GRIK3: variants seen among roughly 807,000 people sequenced by gnomAD.
The protein encoded by GRIK3 is glutamate receptor ionotropic, kainate 3.
A neutral mutation model predicts 102.5 loss-of-function variants in GRIK3; 29 were observed. The observed-to-expected ratio is 0.28, with a 90% confidence interval of 0.21 to 0.39. The LOEUF (loss-of-function observed/expected upper bound fraction) is 0.39, where lower values mean the gene tolerates loss of function less well. Among genes scored for constraint, GRIK3 ranks in the 10% least tolerant of loss-of-function variants. The pLI is 1.00. For missense variants in GRIK3, 908 were observed against 1,252.4 expected (o/e 0.73, Z 4.15); for synonymous variants, 511 against 504.9 (o/e 1.01, Z -0.16).
At chr1:36,942,160 C>T (rs182934360) in intron 1 of GRIK3, among the ~76,000 whole-genome samples, 8 of 152,296 alleles carry the variant, frequency 5.3e-5, no homozygotes, top group East Asian at 1.9e-4. Context: ...CACTGGAAGC[C>T]GAACTCCACG....
chr1:36,807,269 TG>T (rs2124179139), intron 13 of GRIK3, among the ~76,000 whole-genome samples: 1 of 151,946 alleles, frequency 6.6e-6, no homozygotes. Context: ...AAGGGCTGAG[TG>T]TCCCTTGCTG....
At chr1:36,874,534 A>G (rs980534921) in intron 3 of GRIK3, among the ~76,000 whole-genome samples, 4 of 152,278 alleles carry the variant, frequency 2.6e-5, no homozygotes, top group South Asian at 2.1e-4. Context: ...TGACCTTCAC[A>G]TAGAAGGGAG....
intron 2 of GRIK3, among the ~76,000 whole-genome samples, chr1:36,888,693 A>G (rs1641069926): frequency 6.6e-6 from 1 of 152,176 alleles, no homozygotes; most frequent in Non-Finnish European, 1.5e-5. Flanking sequence ...TCTCAAGTGC[A>G]TAAACTGGCT....
chr1:36,956,959 CTCCACCCGCA>C (rs1467959541), intron 1 of GRIK3, among the ~76,000 whole-genome samples: 1 of 152,260 alleles, frequency 6.6e-6, no homozygotes, highest in Non-Finnish European at 1.5e-5. Flanking sequence ...AGCACTCTGT[CTCCACCCGCA>C]TCACTCTGGG....
intron 1 of GRIK3, among the ~76,000 whole-genome samples, chr1:37,011,603 T>A (rs1344877945): frequency 6.6e-6 from 1 of 152,228 alleles, no homozygotes; most frequent in Non-Finnish European, 1.5e-5. Flanking sequence ...CACCTGCCTT[T>A]TATTAGCATG....
At chr1:36,903,058 G>C (rs1641248602) in intron 1 of GRIK3, among the ~76,000 whole-genome samples, 1 of 152,042 alleles carries the variant, frequency 6.6e-6, no homozygotes, top group Admixed American at 6.6e-5. Flanking sequence ...CCAAAGTGCT[G>C]GGATTACCGT....
At chr1:36,874,820 G>GTAA (rs991786524) in intron 3 of GRIK3, among the ~76,000 whole-genome samples, 32 of 152,206 alleles carry the variant, frequency 2.1e-4, no homozygotes, top group African/African-American at 7.5e-4. Flanking sequence ...ATCGCCCCAT[G>GTAA]TAATGCATGG....
chr1:36,853,807 A>G, intron 7 of GRIK3, 85 bp from the exon 8 acceptor site: 2 of 765,150 alleles, frequency 2.6e-6, no homozygotes, highest in East Asian at 2.5e-5. Flanking sequence ...CATTTTAATT[A>G]CTCCTTGCAC....
intron 8 of GRIK3, among the ~76,000 whole-genome samples, chr1:36,852,713 C>T (rs919628337): frequency 3.3e-5 from 5 of 152,162 alleles, no homozygotes; most frequent in African/African-American, 7.2e-5. Context: ...CAGAGGCATC[C>T]GAAGTGGCCC....
rs570283730 is a variant in GRIK3 at position 36,832,878 on chromosome 1, G to T, written c.1531-7052C>A. 5.3e-5 allele frequency among the ~76,000 whole-genome samples: 8 copies of T among 152,322 alleles called. No individual in the cohort carries two copies. In the East Asian group the frequency reaches 1.5e-3, roughly 29 times the overall value. On this transcript the variant is annotated intron_variant, in intron 10 of 15. Coordinates refer to ENST00000373091, the MANE Select transcript of GRIK3 (RefSeq NM_000831.4). ...ACAGGGCAGGGCCTGACCTAGCACA[G>T]CCCAACGGAGCGGAAGGCAGTGGGC...
intron 1 of GRIK3, among the ~76,000 whole-genome samples, chr1:36,908,013 C>G (rs2124291898): frequency 6.6e-6 from 1 of 152,248 alleles, no homozygotes; most frequent in Non-Finnish European, 1.5e-5. Flanking sequence ...ACTGGGCGGT[C>G]CCTTGCTTCA....
intron 1 of GRIK3, among the ~76,000 whole-genome samples, chr1:36,895,238 A>G (rs1187321085): frequency 6.6e-6 from 1 of 152,180 alleles, no homozygotes; most frequent in Non-Finnish European, 1.5e-5. Context: ...AGAAAAAATT[A>G]CAGGGCATAC....
intron 1 of GRIK3, among the ~76,000 whole-genome samples, chr1:36,957,164 T>C (rs1343961948): frequency 6.6e-6 from 1 of 152,232 alleles, no homozygotes; most frequent in Non-Finnish European, 1.5e-5. Context: ...CCTGTGCTCT[T>C]ATCAATAGAG....
intron 1 of GRIK3, among the ~76,000 whole-genome samples, chr1:36,949,253 C>T (rs1055592821): frequency 1.3e-5 from 2 of 151,366 alleles, no homozygotes; most frequent in South Asian, 4.2e-4. Flanking sequence ...TGACCTTAAA[C>T]TCTATTCTGA....
chr1:37,010,082 C>T (rs1019550592), intron 1 of GRIK3, among the ~76,000 whole-genome samples: 61 of 152,154 alleles, frequency 4.0e-4, no homozygotes, highest in Middle Eastern at 3.4e-3. Flanking sequence ...TTTCCAAGCA[C>T]GGGGCACTTG....
chr1:36,868,560 TC>T (rs1408850097), intron 5 of GRIK3, among the ~76,000 whole-genome samples: 1 of 152,202 alleles, frequency 6.6e-6, no homozygotes, highest in East Asian at 1.9e-4. Context: ...TTTGCTCACT[TC>T]CATTGTGTAA....
chr1:36,946,492 C>T (rs558099637), intron 1 of GRIK3, among the ~76,000 whole-genome samples: 56 of 152,320 alleles, frequency 3.7e-4, no homozygotes, highest in African/African-American at 1.3e-3. Context: ...TCGGGCATGC[C>T]CATTATCAGG....
chr1:36,950,554 C>T (rs1315891479), intron 1 of GRIK3, among the ~76,000 whole-genome samples: 1 of 152,194 alleles, frequency 6.6e-6, no homozygotes, highest in Non-Finnish European at 1.5e-5. Flanking sequence ...GCTGGAATGG[C>T]CTTTGGACAA....
At chr1:36,843,788 A>G (rs954751987) in intron 9 of GRIK3, among the ~76,000 whole-genome samples, 13 of 152,110 alleles carry the variant, frequency 8.5e-5, no homozygotes, top group African/African-American at 1.4e-4. Flanking sequence ...CAGCACCCCA[A>G]CGTGACAGAA....
Sources: gnomAD v4.1 joint callset for allele counts (sites outside exome capture counted in the v4.1 genomes callset) on GRCh38, gnomAD v4.1.1 for gene constraint, MANE v1.5 for transcripts, NCBI Gene and HGNC (gene_info 2026-07-23, HGNC 2026-07-21) for gene names.